Variants in PCNX2 observed in about 807,000 individuals in gnomAD.
PCNX2 encodes pecanex-like protein 2.
A neutral mutation model predicts 223.8 loss-of-function variants in PCNX2; 168 were observed. The observed-to-expected ratio is 0.75, with a 90% CI of 0.66 to 0.85. The LOEUF (loss-of-function observed/expected upper bound fraction) is 0.85. PCNX2 is among the 40% of genes least tolerant of loss of function. The pLI is 0.00. For missense variants in PCNX2, 2,507 were observed against 2,675.5 expected, an observed-to-expected ratio of 0.94 and a Z score of 1.39; for synonymous variants, 1,006 against 1,052.6, an observed-to-expected ratio of 0.96 and a Z score of 0.86.
At chr1:233,227,394 AC>A (rs769898892) in intron 9 of PCNX2, 23 bp from the exon 10 acceptor site, 20 of 1,605,078 alleles carry the variant, frequency 1.2e-5, no homozygotes, top group Middle Eastern at 3.3e-4. Context: ...AAAAGAAACA[AC>A]AGAAAAAAGG....
chr1:233,208,771 T>C (rs371850362), intron 12 of PCNX2, 82 bp from the exon 13 acceptor site: 2 of 1,149,666 alleles, frequency 1.7e-6, no homozygotes, highest in African/African-American at 1.8e-5. Flanking sequence ...ATTTACACTA[T>C]ATCATATAAC....
chr1:233,133,807 C>T (rs188010345), intron 21 of PCNX2, among the ~76,000 whole-genome samples: 1 of 152,210 alleles, frequency 6.6e-6, no homozygotes, highest in Non-Finnish European at 1.5e-5. Flanking sequence ...CTGCAGTGAG[C>T]AATAATTATG....
the PCNX2 span, among the ~76,000 whole-genome samples, chr1:233,323,373 T>C: frequency 2.6e-5 from 4 of 152,250 alleles, no homozygotes; most frequent in African/African-American, 9.6e-5. Flanking sequence ...TATAGTATTT[T>C]CATATAACCT....
At chr1:233,290,534 GAA>G (rs1451131552) in intron 1 of PCNX2, among the ~76,000 whole-genome samples, 3 of 152,092 alleles carry the variant, frequency 2.0e-5, no homozygotes, top group Non-Finnish European at 2.9e-5. Flanking sequence ...AACATTGATT[GAA>G]AAAAGAGGAA....
chr1:233,292,304 T>G (rs188596473), intron 1 of PCNX2, among the ~76,000 whole-genome samples: 1 of 151,194 alleles, frequency 6.6e-6, no homozygotes, highest in East Asian at 2.0e-4. Flanking sequence ...CCTCCAGGAT[T>G]CAAGCGATTC....
At chr1:233,109,862 C>A (rs979984981) in intron 21 of PCNX2, among the ~76,000 whole-genome samples, 2 of 152,202 alleles carry the variant, frequency 1.3e-5, no homozygotes, top group Admixed American at 6.5e-5. Flanking sequence ...CACCTGTAAT[C>A]CCAGATCTTT....
At chr1:233,263,952 C>G (rs1660197049) in intron 1 of PCNX2, among the ~76,000 whole-genome samples, 1 of 152,176 alleles carries the variant, frequency 6.6e-6, no homozygotes, top group African/African-American at 2.4e-5. Context: ...TGCGATAACG[C>G]CTGCAGGCCA....
At chr1:233,222,167 T>C (rs971530199) in intron 10 of PCNX2, among the ~76,000 whole-genome samples, 3 of 152,190 alleles carry the variant, frequency 2.0e-5, no homozygotes, top group African/African-American at 7.2e-5. Flanking sequence ...TACAAAGGTC[T>C]TAAGCTGGAG....
At chr1:233,015,102 ACC>A (rs1670604571) in intron 27 of PCNX2, among the ~76,000 whole-genome samples, 1 of 152,212 alleles carries the variant, frequency 6.6e-6, no homozygotes, top group Admixed American at 6.5e-5. Flanking sequence ...ATGGGTGCCC[ACC>A]TTAACACTCT....
intron 1 of PCNX2, among the ~76,000 whole-genome samples, chr1:233,280,593 T>A (rs971688643): frequency 1.3e-5 from 2 of 152,204 alleles, no homozygotes; most frequent in African/African-American, 4.8e-5. Context: ...CCACCGTGCC[T>A]GGTCCTCTTC....
At chr1:233,127,747 G>A (rs1270392239) in intron 21 of PCNX2, among the ~76,000 whole-genome samples, 1 of 152,188 alleles carries the variant, frequency 6.6e-6, no homozygotes, top group Non-Finnish European at 1.5e-5. Flanking sequence ...AAGCTGTTGT[G>A]AAGATTACAT....
At chr1:233,007,665 G>A (rs1026934578) in intron 28 of PCNX2, among the ~76,000 whole-genome samples, 25 of 152,116 alleles carry the variant, frequency 1.6e-4, no homozygotes, top group Non-Finnish European at 1.6e-4. Context: ...AGCCTCCCGA[G>A]TAGCTGGGAT....
intron 12 of PCNX2, chr1:233,210,426 C>T (rs1442761319): frequency 1.0e-5 from 2 of 191,460 alleles, no homozygotes; most frequent in Admixed American, 6.5e-5. Flanking sequence ...TACAGGCACC[C>T]GCCACCATGC....
Position 233,208,017 on chromosome 1 carries a change from G to A in PCNX2, c.2863+501C>T, listed in dbSNP as rs549493879. On this transcript the variant is annotated intron_variant, in intron 13 of 33. Coordinates refer to ENST00000258229, the MANE Select transcript of PCNX2 (RefSeq NM_014801.4). ...GTTGCCCAAGCTGGAGAGCAATGGC[G>A]TGATCTTGGCTCACCGCAACCTCTG... Among the ~76,000 whole-genome samples the A allele has an allele frequency of 3.9e-5, 6 of 152,032 alleles. No individual in the cohort carries two copies. The East Asian group carries it at 7.7e-4, about 20-fold the overall frequency.
chr1:233,261,332 G>T lies in PCNX2; in HGVS notation c.481-11C>A, dbSNP rs774527977. On this transcript the variant is annotated splice_polypyrimidine_tract_variant and intron_variant, in intron 3 of 33. Coordinates refer to ENST00000258229, the MANE Select transcript of PCNX2 (RefSeq NM_014801.4). Reference sequence around the variant, plus strand: ...CTGTGCTGACAACTCCTACACAAATGAAAGAAACAAAAATCAATAGATGAC... The same window carrying T: ...CTGTGCTGACAACTCCTACACAAATTAAAGAAACAAAAATCAATAGATGAC... 1.9e-6 allele frequency: 3 copies of T among 1,611,846 alleles called. No homozygotes were observed. The highest frequency in any genetic ancestry group is 2.5e-6 in the Non-Finnish European group (3 of 1,178,524).
rs1299457917 is a variant in PCNX2, at chr1:233,010,763, TA to T, written c.4952+3901del. On this transcript the variant is annotated intron_variant, in intron 28 of 33. Transcript: ENST00000258229. ...CTCCATAACATATCAACATTTTATT[TA>T]AAGACAATTTATATAAAGGTAGTCT... is the stretch of plus-strand genomic sequence containing the variant. Among the ~76,000 whole-genome samples the T allele has an allele frequency of 2.6e-5, 4 of 152,246 alleles. No individual in the cohort carries two copies. In the East Asian group the frequency reaches 7.7e-4, roughly 29 times the overall value.
intron 15 of PCNX2, among the ~76,000 whole-genome samples, chr1:233,193,118 GTATA>G (rs773279951): frequency 1.3e-3 from 183 of 146,380 alleles, no homozygotes; most frequent in Non-Finnish European, 2.2e-3. Flanking sequence ...TTTATAACTA[GTATA>G]TATATAAACT....
intron 25 of PCNX2, among the ~76,000 whole-genome samples, chr1:233,048,386 G>A (rs1262577371): frequency 6.6e-6 from 1 of 152,176 alleles, no homozygotes; most frequent in African/African-American, 2.4e-5. Flanking sequence ...GAGCCTGGGA[G>A]GCAGATGTTG....
intron 23 of PCNX2, among the ~76,000 whole-genome samples, chr1:233,081,228 T>A (rs1294824489): frequency 6.6e-6 from 1 of 152,070 alleles, no homozygotes; most frequent in African/African-American, 2.4e-5. Flanking sequence ...GTGCCTGTAA[T>A]CCCAGCTATT....
Sources: gnomAD v4.1 joint callset for allele counts (sites outside exome capture counted in the v4.1 genomes callset) on GRCh38, gnomAD v4.1.1 for gene constraint, MANE v1.5 for transcripts, NCBI Gene and HGNC (gene_info 2026-07-23, HGNC 2026-07-21) for gene names.